The following PTPRA variants were observed in gnomAD, a reference collection of about 807,000 sequenced individuals.
PTPRA encodes the protein protein tyrosine phosphatase receptor type A, also known as receptor-type tyrosine-protein phosphatase alpha.
In PTPRA, 25 loss-of-function variants were observed where a neutral mutation model predicts 104.8. The ratio of observed to expected loss-of-function variants is 0.24; its 90% confidence interval spans 0.17 to 0.33. The LOEUF is 0.33. PTPRA is among the 10% of genes least tolerant of loss of function. The pLI is 1.00. For missense variants in PTPRA, 765 were observed against 1,015.3 expected (o/e 0.75, Z 3.35); for synonymous variants, 323 against 368.9 (o/e 0.88, Z 1.43).
intron 3 of PTPRA, among the ~76,000 whole-genome samples, chr20:2,963,741 C>G (rs923587574): frequency 3.3e-5 from 5 of 151,996 alleles, no homozygotes; most frequent in African/African-American, 9.7e-5. Flanking sequence ...TTTTGGATTT[C>G]AAAATTTGGA....
chr20:2,907,080 T>C (rs1014395803), intron 1 of PTPRA, among the ~76,000 whole-genome samples: 2 of 152,224 alleles, frequency 1.3e-5, no homozygotes, highest in Non-Finnish European at 2.9e-5. Context: ...TTTGATAGCA[T>C]GTAAAGTGTA....
chr20:2,947,139 C>T (rs2061166322), intron 2 of PTPRA, among the ~76,000 whole-genome samples: 1 of 152,130 alleles, frequency 6.6e-6, no homozygotes, highest in South Asian at 2.1e-4. Flanking sequence ...CCTTGCAAAT[C>T]AGGTTTACCA....
At chr20:2,884,493 T>C (rs1356339869) in intron 1 of PTPRA, among the ~76,000 whole-genome samples, 2 of 152,190 alleles carry the variant, frequency 1.3e-5, no homozygotes, top group Non-Finnish European at 2.9e-5. Context: ...TTGTATCTCA[T>C]TGTGGTTTTT....
chr20:2,988,278 T>C (rs1317678598), intron 8 of PTPRA, 60 bp from the exon 9 acceptor site: 1 of 1,562,344 alleles, frequency 6.4e-7, no homozygotes, highest in Non-Finnish European at 8.6e-7. Context: ...CCGTTTAGCC[T>C]CCAGAAGAGG....
upstream of PTPRA, among the ~76,000 whole-genome samples, chr20:2,872,019 A>T (rs1336984874): frequency 6.6e-6 from 1 of 152,216 alleles, no homozygotes; most frequent in Admixed American, 6.5e-5. This position sits in a 1 kb window ranked among gnomAD's most constrained non-coding sequence, Gnocchi z 7.9. Context: ...AGCATGGACT[A>T]ACTTATTCCA....
chr20:2,997,468 G>T (rs1205069817), intron 9 of PTPRA, among the ~76,000 whole-genome samples: 1 of 152,172 alleles, frequency 6.6e-6, no homozygotes, highest in Non-Finnish European at 1.5e-5. Flanking sequence ...CAGGAGTCTT[G>T]TGGTCAGGTC....
chr20:2,931,030 T>C (rs1266888382), intron 2 of PTPRA, among the ~76,000 whole-genome samples: 3 of 152,180 alleles, frequency 2.0e-5, no homozygotes, highest in Non-Finnish European at 4.4e-5. Flanking sequence ...TTAGCTGCAC[T>C]GGAAGTCAGT....
At chr20:2,962,025 A>G (rs2061773498) in intron 3 of PTPRA, among the ~76,000 whole-genome samples, 2 of 152,192 alleles carry the variant, frequency 1.3e-5, no homozygotes, top group African/African-American at 2.4e-5. Context: ...TTGAAGTCCA[A>G]TAGCATTAAT....
At chr20:2,932,228 T>C (rs2060533128) in intron 2 of PTPRA, among the ~76,000 whole-genome samples, 2 of 151,840 alleles carry the variant, frequency 1.3e-5, no homozygotes, top group South Asian at 4.2e-4. Flanking sequence ...AATCAGGAGG[T>C]TATTTGTAGA....
intron 9 of PTPRA, among the ~76,000 whole-genome samples, chr20:2,999,474 A>T (rs2063538793): frequency 6.6e-6 from 1 of 152,194 alleles, no homozygotes; most frequent in South Asian, 2.1e-4. Flanking sequence ...AAATTTTAGT[A>T]ATTAAGACAG....
chr20:2,927,988 C>T (rs577256516), intron 2 of PTPRA, among the ~76,000 whole-genome samples: 240 of 152,106 alleles, frequency 1.6e-3, no homozygotes, highest in Admixed American at 7.3e-3. Context: ...GCAGCCTAGG[C>T]GACAGAGTGA....
At chr20:2,864,301 T>TG in the PTPRA span, 5 of 1,613,912 alleles carry the variant, frequency 3.1e-6, no homozygotes, top group South Asian at 2.2e-5. This position sits in a 1 kb window ranked among gnomAD's most constrained non-coding sequence, Gnocchi z 5.2. Context: ...AGGGCAAGGC[T>TG]GGGGGGCCCC....
intron 6 of PTPRA, among the ~76,000 whole-genome samples, chr20:2,978,345 T>G (rs1005331277): frequency 6.6e-6 from 1 of 152,216 alleles, no homozygotes; most frequent in Non-Finnish European, 1.5e-5. Flanking sequence ...CAATGAATAT[T>G]GCTGTTTTTA....
At chr20:2,866,641 A>G in the PTPRA span, 44 of 1,592,276 alleles carry the variant, frequency 2.8e-5, no homozygotes, top group Non-Finnish European at 3.6e-5. Flanking sequence ...CAGAAGGGCC[A>G]TAGTTCATCC....
upstream of PTPRA, among the ~76,000 whole-genome samples, chr20:2,871,082 G>A (rs2089422056): frequency 6.6e-6 from 1 of 152,188 alleles, no homozygotes; most frequent in Non-Finnish European, 1.5e-5. Context: ...CATCTGTGTG[G>A]TTGCTGAGCT....
At chr20:2,985,130 A>G (rs1232557317) in intron 6 of PTPRA, among the ~76,000 whole-genome samples, 1 of 152,214 alleles carries the variant, frequency 6.6e-6, no homozygotes, top group East Asian at 1.9e-4. Context: ...TATTTGAATG[A>G]ATGCTGCTAA....
chr20:2,874,193 C>T (rs549463817), intron 1 of PTPRA, among the ~76,000 whole-genome samples: 1 of 122,354 alleles, frequency 8.2e-6, no homozygotes, highest in East Asian at 3.4e-4. Context: ...CTCCCTCGGT[C>T]CCCCGGCCCG....
At chr20:2,921,322 C>CTTTTTT (rs11477373) in intron 1 of PTPRA, among the ~76,000 whole-genome samples, 1 of 103,956 alleles carries the variant, frequency 9.6e-6, no homozygotes, top group African/African-American at 3.7e-5. Flanking sequence ...TGGGAATGCG[C>CTTTTTT]TTTTTTTTTT....
chr20:3,024,373 G>A, intron 16 of PTPRA, 99 bp from the exon 17 acceptor site: 1 of 1,256,940 alleles, frequency 8.0e-7, no homozygotes, highest in Non-Finnish European at 1.1e-6. Flanking sequence ...TAGGATCAAA[G>A]GAGAAATGGA....
Sources: gnomAD v4.1 joint callset for allele counts (sites outside exome capture counted in the v4.1 genomes callset) on GRCh38, gnomAD v4.1.1 for gene constraint, Gnocchi (gnomAD v3.1) non-coding constraint, MANE v1.5 for transcripts, NCBI Gene and HGNC (gene_info 2026-07-23, HGNC 2026-07-21) for gene names.